Variants in ROBO1 observed in about 807,000 individuals in gnomAD.
ROBO1 encodes the protein roundabout guidance receptor 1.
In ROBO1, 149 loss-of-function variants were observed where a neutral mutation model predicts 195.9. That is an observed-to-expected ratio of 0.76 (90% CI 0.67 to 0.87). The LOEUF (loss-of-function observed/expected upper bound fraction) is 0.87, where lower values mean the gene tolerates loss of function less well. Among genes scored for constraint, ROBO1 ranks in the 40% least tolerant of loss-of-function variants. The pLI is 0.00. For missense variants in ROBO1, 1,933 were observed against 2,068.3 expected (o/e 0.93, Z 1.27); for synonymous variants, 816 against 733.2 (o/e 1.11, Z -1.82).
chr3:79,465,417 C>T (rs1029489407), intron 2 of ROBO1, among the ~76,000 whole-genome samples: 11 of 152,226 alleles, frequency 7.2e-5, no homozygotes, highest in African/African-American at 2.6e-4. Context: ...TTTTTGTCTA[C>T]AAGATTAACC....
chr3:78,741,428 C>T (rs2082532006), intron 5 of ROBO1, among the ~76,000 whole-genome samples: 1 of 152,104 alleles, frequency 6.6e-6, no homozygotes, highest in Admixed American at 6.6e-5. Context: ...AACAAACAAA[C>T]TAGGAAAATA....
rs1430730583 is a variant in ROBO1 at position 79,452,086 on chromosome 3, C to T, written c.88+137738G>A. 2.6e-5 allele frequency among the ~76,000 whole-genome samples: 4 copies of T among 151,958 alleles called. No homozygotes were observed. The South Asian group carries it at 6.2e-4, about 24-fold the overall frequency. ...TTATCTCATTTTCAGGAACATTGTACATGTCCCAGTTACCATTGTCTTTAA... is the reference window on the plus strand; with the variant it reads ...TTATCTCATTTTCAGGAACATTGTATATGTCCCAGTTACCATTGTCTTTAA... On this transcript the variant is annotated intron_variant, in intron 2 of 30. Coordinates refer to ENST00000464233, the MANE Select transcript of ROBO1 (RefSeq NM_002941.4).
chr3:78,953,801 T>A (rs899983108), intron 3 of ROBO1, among the ~76,000 whole-genome samples: 2 of 148,188 alleles, frequency 1.3e-5, no homozygotes, highest in African/African-American at 5.2e-5. Flanking sequence ...TTTCTCCATC[T>A]GTAAAATGAG....
intron 4 of ROBO1, among the ~76,000 whole-genome samples, chr3:78,916,119 C>CG (rs572877384): frequency 1.2e-4 from 18 of 151,572 alleles, no homozygotes; most frequent in South Asian, 8.4e-4. Flanking sequence ...GGTGTGGTGG[C>CG]GGCGCCTGTA....
intron 1 of ROBO1, among the ~76,000 whole-genome samples, chr3:79,676,037 C>T (rs1466147564): frequency 1.3e-5 from 2 of 151,916 alleles, no homozygotes; most frequent in African/African-American, 4.8e-5. Flanking sequence ...ATGCTTTTCT[C>T]TTGTGAATCT....
intron 5 of ROBO1, among the ~76,000 whole-genome samples, chr3:78,743,400 C>T (rs1389883052): frequency 6.6e-6 from 1 of 152,100 alleles, no homozygotes; most frequent in Non-Finnish European, 1.5e-5. Flanking sequence ...CTTTACTTGG[C>T]GGCCCTTCTA....
intron 2 of ROBO1, among the ~76,000 whole-genome samples, chr3:79,291,311 C>T (rs906128339): frequency 6.6e-6 from 1 of 152,106 alleles, no homozygotes; most frequent in Non-Finnish European, 1.5e-5. Flanking sequence ...TAAACTGGAT[C>T]GTTCACAATA....
At chr3:79,195,748 CTTTG>C in intron 2 of ROBO1, among the ~76,000 whole-genome samples, 1 of 151,252 alleles carries the variant, frequency 6.6e-6, no homozygotes, top group Non-Finnish European at 1.5e-5. Context: ...GAATTTACTT[CTTTG>C]TTTTTTTCAG....
intron 1 of ROBO1, among the ~76,000 whole-genome samples, chr3:79,649,250 G>T (rs1357095106): frequency 6.6e-6 from 1 of 151,844 alleles, no homozygotes; most frequent in Non-Finnish European, 1.5e-5. Context: ...GAAGGTAGAA[G>T]TAAACAAAAA....
chr3:78,887,189 CAT>C (rs1474737886), intron 4 of ROBO1, among the ~76,000 whole-genome samples: 2 of 152,136 alleles, frequency 1.3e-5, no homozygotes, highest in East Asian at 3.9e-4. Context: ...ACATGAGAAA[CAT>C]ACAATGTGGC....
intron 2 of ROBO1, among the ~76,000 whole-genome samples, chr3:79,140,983 C>T (rs535395404): frequency 1.3e-5 from 2 of 152,308 alleles, no homozygotes; most frequent in South Asian, 4.1e-4. Flanking sequence ...GATGAATTCA[C>T]TGAATTTTAT....
chr3:79,564,107 G>T (rs1277176337), intron 2 of ROBO1, among the ~76,000 whole-genome samples: 1 of 151,474 alleles, frequency 6.6e-6, no homozygotes, highest in Non-Finnish European at 1.5e-5. Context: ...ACTCTTGTTT[G>T]AGTGGAAAAT....
intron 9 of ROBO1, among the ~76,000 whole-genome samples, chr3:78,687,528 C>A (rs531192805): frequency 1.4e-4 from 22 of 152,224 alleles, no homozygotes; most frequent in African/African-American, 5.3e-4. Context: ...CAAACACCCA[C>A]GACTGATTTA....
chr3:79,765,155 T>C (rs1207492492), intron 1 of ROBO1, among the ~76,000 whole-genome samples: 1 of 152,232 alleles, frequency 6.6e-6, no homozygotes, highest in Non-Finnish European at 1.5e-5. Context: ...GTCATTGTGC[T>C]TCAATTCTGC....
At chr3:78,984,647 G>A (rs1010424309) in intron 3 of ROBO1, among the ~76,000 whole-genome samples, 4 of 152,154 alleles carry the variant, frequency 2.6e-5, no homozygotes, top group African/African-American at 7.2e-5. Context: ...CTCTACCCCA[G>A]AAAGGTTTTC....
chr3:79,414,112 G>C (rs1464801299), intron 2 of ROBO1, among the ~76,000 whole-genome samples: 1 of 151,872 alleles, frequency 6.6e-6, no homozygotes, highest in Non-Finnish European at 1.5e-5. Flanking sequence ...GAGTTTCCCA[G>C]GAGTTATCAT....
At chr3:78,959,266 T>C (rs1239876390) in intron 3 of ROBO1, among the ~76,000 whole-genome samples, 3 of 145,612 alleles carry the variant, frequency 2.1e-5, no homozygotes, top group African/African-American at 7.3e-5. Flanking sequence ...AAAACAAAGT[T>C]TACTGAAAGG....
intron 4 of ROBO1, among the ~76,000 whole-genome samples, chr3:78,786,289 G>A (rs62257492): frequency 0.25 from 37,814 of 151,934 alleles, 4,930 homozygotes; most frequent in East Asian, 0.49. Flanking sequence ...AGTTTAATAT[G>A]AGCAATAAAT....
intron 1 of ROBO1, among the ~76,000 whole-genome samples, chr3:79,742,625 T>G (rs1219006043): frequency 6.6e-6 from 1 of 152,206 alleles, no homozygotes; most frequent in African/African-American, 2.4e-5. Flanking sequence ...CTGTATGGCA[T>G]GCAGTACTGA....
Sources: gnomAD v4.1 joint callset for allele counts (sites outside exome capture counted in the v4.1 genomes callset) on GRCh38, gnomAD v4.1.1 for gene constraint, MANE v1.5 for transcripts, NCBI Gene and HGNC (gene_info 2026-07-23, HGNC 2026-07-21) for gene names.